Variants in NDUFV2 observed in about 807,000 individuals in gnomAD.
NDUFV2 encodes the protein NADH:ubiquinone oxidoreductase core subunit V2, also known as NADH dehydrogenase [ubiquinone] flavoprotein 2, mitochondrial.
In NDUFV2, 18 loss-of-function variants were observed where a neutral mutation model predicts 31.6. The observed-to-expected ratio is 0.57, with a 90% CI of 0.39 to 0.84. The LOEUF (loss-of-function observed/expected upper bound fraction) is 0.84, where lower values mean the gene tolerates loss of function less well. NDUFV2 is among the 40% of genes least tolerant of loss of function. The pLI is 0.00. For synonymous variants in NDUFV2, 83 were observed against 99.8 expected (o/e 0.83, Z 1.01); for missense variants, 314 against 303.6 (o/e 1.03, Z -0.26).
intron 1 of NDUFV2, among the ~76,000 whole-genome samples, chr18:9,107,514 T>C (rs138770158): frequency 2.0e-3 from 307 of 152,342 alleles, no homozygotes; most frequent in African/African-American, 7.1e-3. Flanking sequence ...AGGGGGAAGG[T>C]GGCTTTATCT....
intron 2 of NDUFV2, among the ~76,000 whole-genome samples, chr18:9,118,814 TG>T: frequency 1.7e-5 from 2 of 115,844 alleles, no homozygotes; most frequent in South Asian, 3.1e-4. Flanking sequence ...GAGATGGTGC[TG>T]TTTTTTTTTT....
At chr18:9,122,475 C>A (rs752103280) in intron 4 of NDUFV2, 38 bp from the exon 5 acceptor site, 1 of 1,516,308 alleles carries the variant, frequency 6.6e-7, no homozygotes, top group South Asian at 1.1e-5. Context: ...ATTACTAACA[C>A]TGTAATTATC....
chr18:9,108,487 A>G (rs1451128817), intron 1 of NDUFV2, among the ~76,000 whole-genome samples: 1 of 152,192 alleles, frequency 6.6e-6, no homozygotes, highest in Non-Finnish European at 1.5e-5. Flanking sequence ...CTCACCTGTA[A>G]AACAAGATAA....
intron 1 of NDUFV2, among the ~76,000 whole-genome samples, chr18:9,110,833 T>C (rs570283740): frequency 2.6e-5 from 4 of 152,342 alleles, no homozygotes; most frequent in East Asian, 3.9e-4. Flanking sequence ...ATAAACATTA[T>C]CTCAGCCCTT....
In NDUFV2 at chr18:9,134,328, C is replaced by G. The variant is rs778487683; in HGVS notation, c.*49C>G. On this transcript the variant is annotated 3_prime_UTR_variant, in exon 8 of 8. Coordinates refer to ENST00000318388, the MANE Select transcript of NDUFV2 (RefSeq NM_021074.5). ...CACTAGAGAAATAAAATATGGACTT[C>G]CAATCTACGTAAACTTATTTGTTTA... 1.5e-6 allele frequency: 2 copies of G among 1,347,794 alleles called. No individual in the cohort carries two copies. Among genetic ancestry groups the G allele is most frequent in the African/African-American group, 2.9e-5 (2 of 69,260 alleles). 83.5% of individuals were successfully genotyped at this position (1,347,794 alleles called of 1,614,324 possible).
chr18:9,104,909 AC>A (rs770120874), intron 1 of NDUFV2: 1 of 1,488,212 alleles, frequency 6.7e-7, no homozygotes, highest in Non-Finnish European at 9.1e-7. Context: ...CCTGGAAATT[AC>A]CATTGTTAAC....
chr18:9,105,103 ACT>A, intron 1 of NDUFV2: 1 of 1,098,116 alleles, frequency 9.1e-7, no homozygotes, highest in Non-Finnish European at 1.2e-6. Context: ...ATGTTCTATT[ACT>A]TATACAACCA....
chr18:9,130,287 C>T (rs2078028892), intron 7 of NDUFV2, among the ~76,000 whole-genome samples: 1 of 152,136 alleles, frequency 6.6e-6, no homozygotes, highest in Non-Finnish European at 1.5e-5. Context: ...GAACTAAGTA[C>T]TCAGTTAAGC....
intron 4 of NDUFV2, among the ~76,000 whole-genome samples, 174 bp downstream of exon 4, chr18:9,119,764 CAT>C (rs2077921207): frequency 1.3e-5 from 2 of 151,460 alleles, no homozygotes; most frequent in Admixed American, 1.3e-4. Context: ...TCCCTTAATG[CAT>C]AGAGGTGATT....
intron 7 of NDUFV2, among the ~76,000 whole-genome samples, chr18:9,132,645 C>T (rs1017705087): frequency 1.3e-5 from 2 of 152,062 alleles, no homozygotes; most frequent in African/African-American, 4.8e-5. Context: ...GAGGTTGAGG[C>T]GGACAGATTG....
At chr18:9,116,354 A>G (rs932867055) in intron 1 of NDUFV2, among the ~76,000 whole-genome samples, 18 of 53,916 alleles carry the variant, frequency 3.3e-4, no homozygotes, top group African/African-American at 9.7e-4. Flanking sequence ...CTTAAAATTA[A>G]TCCTTTTATT....
intron 5 of NDUFV2, among the ~76,000 whole-genome samples, chr18:9,122,986 C>T (rs1031800772): frequency 1.3e-5 from 2 of 152,108 alleles, no homozygotes; most frequent in African/African-American, 4.8e-5. Flanking sequence ...GTTTCACTTA[C>T]TATTCTATGA....
At chr18:9,131,289 T>C (rs1010011792) in intron 7 of NDUFV2, among the ~76,000 whole-genome samples, 1 of 152,222 alleles carries the variant, frequency 6.6e-6, no homozygotes, top group Non-Finnish European at 1.5e-5. Context: ...AGAAAATCCA[T>C]GTACAAGTGA....
intron 7 of NDUFV2, among the ~76,000 whole-genome samples, chr18:9,132,630 T>C (rs1191011563): frequency 6.6e-6 from 1 of 152,074 alleles, no homozygotes; most frequent in Non-Finnish European, 1.5e-5. Context: ...ATCCCAGCAC[T>C]TTGGGAGGTT....
At position 9,103,110 on chromosome 18, in the gene NDUFV2, T is replaced by C. The variant is rs868700347; in HGVS notation, c.54+313T>C. The C allele has an allele frequency of 7.9e-5, 32 of 406,478 alleles. 1 individual carries two copies. The highest frequency in any genetic ancestry group is 6.3e-4 in the Middle Eastern group (1 of 1,598). The allele number at this position is 406,478 out of a possible 1,614,324, so 25.2% of individuals were successfully genotyped here. A position where few individuals can be genotyped will look rare whatever the true frequency, so the allele number is the denominator to read the frequency against. On this transcript the variant is annotated intron_variant, in intron 1 of 7. Coordinates refer to ENST00000318388, the MANE Select transcript of NDUFV2 (RefSeq NM_021074.5). ...GCTGTAGCGCAGAATCTAGGCCTGC[T>C]CTGGCCAGATCAGTTTCGAAGACCG... is the stretch of plus-strand genomic sequence containing the variant.
chr18:9,120,185 T>TA lies in NDUFV2; in HGVS notation c.300+596dup, dbSNP rs542783444. The stretch of plus-strand genomic sequence containing the variant: ...TTCAAGTTTATTCGTATCCTGTTAA[T>TA]ACAAATAACTACATTTGTGTGGTGA... On this transcript the variant is annotated intron_variant, in intron 4 of 7. Coordinates refer to ENST00000318388, the MANE Select transcript of NDUFV2 (RefSeq NM_021074.5). Among the ~76,000 whole-genome samples the TA allele has an allele frequency of 7.4e-4, 112 of 152,332 alleles. 1 individual carries two copies. The highest frequency in any genetic ancestry group is 2.1e-3 in the Admixed American group (32 of 15,310).
chr18:9,124,922 A>C lies in NDUFV2; in HGVS notation c.518A>C (p.Glu173Ala). 1 of 1,613,348 alleles carries C rather than the reference A, an allele frequency of 6.2e-7. No homozygotes were observed. Reference sequence around the variant, plus strand: ...CCTGACAAACTTTTCACTCTTATAGAAGTGGAATGTTTAGGGGCCTGTGTG... The same window carrying C: ...CCTGACAAACTTTTCACTCTTATAGCAGTGGAATGTTTAGGGGCCTGTGTG... Reference protein sequence around the residue: ...TTPDKLFTLIEVECLGACVNA... With the variant: ...TTPDKLFTLIAVECLGACVNA... Residue 173 changes from glutamate to alanine, a missense_variant, in exon 6 of 8, where the codon GAA becomes GCA. Coordinates refer to ENST00000318388, the MANE Select transcript of NDUFV2 (RefSeq NM_021074.5).
At chr18:9,119,452 T>C (rs1207488311) in intron 3 of NDUFV2, 22 bp from the exon 4 acceptor site, 3 of 1,604,936 alleles carry the variant, frequency 1.9e-6, no homozygotes, top group Non-Finnish European at 2.6e-6. Flanking sequence ...ATGTATAAAA[T>C]GATGTTCTTT....
chr18:9,133,507 C>A (rs1234290623), intron 7 of NDUFV2: 1 of 152,266 alleles, frequency 6.6e-6, no homozygotes, highest in African/African-American at 2.4e-5. Context: ...CTGCTATGGC[C>A]ATCCTGGTTT....
Sources: allele counts gnomAD v4.1 joint callset (sites outside exome capture counted in the v4.1 genomes callset), GRCh38; gene constraint gnomAD v4.1.1; transcripts MANE v1.5; gene names NCBI Gene and HGNC (gene_info 2026-07-23, HGNC 2026-07-21).